ANXA6: variants seen among roughly 807,000 people sequenced by gnomAD.
ANXA6 encodes the protein 67 kDa calelectrin.
ANXA6 carries 71 observed loss-of-function variants against 95.4 expected under a neutral mutation model. The ratio of observed to expected loss-of-function variants is 0.74; its 90% confidence interval spans 0.61 to 0.91. The LOEUF (loss-of-function observed/expected upper bound fraction) is 0.91. ANXA6 is among the 40% of genes least tolerant of loss of function. ANXA6 has a pLI of 0.00. For missense variants in ANXA6, 830 were observed against 876.4 expected, an observed-to-expected ratio of 0.95 and a Z score of 0.67; for synonymous variants, 289 against 315.9, an observed-to-expected ratio of 0.91 and a Z score of 0.90.
chr5:151,157,196 C>G (rs1003865570), intron 1 of ANXA6, among the ~76,000 whole-genome samples: 3 of 152,160 alleles, frequency 2.0e-5, no homozygotes, highest in African/African-American at 7.2e-5. Context: ...CGCAGGCAGC[C>G]CTCCCCCGAC....
intron 18 of ANXA6, among the ~76,000 whole-genome samples, chr5:151,118,447 T>C (rs2113910229): frequency 6.6e-6 from 1 of 152,112 alleles, no homozygotes; most frequent in African/African-American, 2.4e-5. Flanking sequence ...TTTTTTGTTT[T>C]TTTTGAGATG....
intron 24 of ANXA6, among the ~76,000 whole-genome samples, chr5:151,104,729 C>T (rs1561563304): frequency 6.6e-6 from 1 of 152,148 alleles, no homozygotes; most frequent in African/African-American, 2.4e-5. Flanking sequence ...CTTGGGCTCT[C>T]CCAGAAGGGC....
intron 1 of ANXA6, among the ~76,000 whole-genome samples, chr5:151,149,955 G>A (rs985818471): frequency 6.6e-6 from 1 of 151,748 alleles, no homozygotes; most frequent in Non-Finnish European, 1.5e-5. Flanking sequence ...CCGTCTCTAC[G>A]AAAAAATACA....
In ANXA6 at chr5:151,146,359, C is replaced by T. The variant is rs528624354; in HGVS notation, c.18+1525G>A. On this transcript the variant is annotated intron_variant, in intron 2 of 25. Coordinates refer to ENST00000354546, the MANE Select transcript of ANXA6 (RefSeq NM_001155.5). ...TTGCCCATAATCAGTAACATTTTCT[C>T]CTCCTGGTCAGAGAGGCCACTTGTA... is the stretch of plus-strand genomic sequence containing the variant. 1.1e-4 allele frequency among the ~76,000 whole-genome samples: 17 copies of T among 152,328 alleles called. No individual in the cohort carries two copies. In the East Asian group the frequency reaches 2.5e-3, roughly 22 times the overall value.
intron 20 of ANXA6, among the ~76,000 whole-genome samples, chr5:151,113,345 T>C (rs1764903385): frequency 6.6e-6 from 1 of 152,128 alleles, no homozygotes; most frequent in South Asian, 2.1e-4. Context: ...GAGGTTGTAG[T>C]GAGCCAAATT....
At position 151,140,090 on chromosome 5, in the gene ANXA6, G is replaced by C. The variant is rs140515824; in HGVS notation, c.109+63C>G. ...CAGACCCTACCACCACCACCAGAAGGGCTCTGGGCTGTGTCTACTTTTGGG... is the reference window on the plus strand; with the variant it reads ...CAGACCCTACCACCACCACCAGAAGCGCTCTGGGCTGTGTCTACTTTTGGG... On this transcript the variant is annotated intron_variant, in intron 3 of 25. Transcript: ENST00000354546. The C allele has an allele frequency of 1.7e-3, 2,421 of 1,460,422 alleles. 32 individuals are homozygous for C. The East Asian group carries it at 0.026, about 16-fold the overall frequency. The allele number at this position is 1,460,422 out of a possible 1,614,324, so 90.5% of individuals were successfully genotyped here.
At chr5:151,108,420 T>G in intron 23 of ANXA6, 35 bp downstream of exon 23, 1 of 1,574,652 alleles carries the variant, frequency 6.4e-7, no homozygotes, top group Non-Finnish European at 8.7e-7. Context: ...AAGTTCCCAG[T>G]GCCCCCAGCC....
chr5:151,106,251 A>G (rs532719361), intron 23 of ANXA6, among the ~76,000 whole-genome samples: 3 of 152,242 alleles, frequency 2.0e-5, no homozygotes, highest in Non-Finnish European at 4.4e-5. Context: ...CTTGACTGCA[A>G]GGCTCCAGAG....
rs193159600 is a variant in ANXA6, at chr5:151,154,000, T to C, written c.-26+3680A>G. 1.9e-3 allele frequency among the ~76,000 whole-genome samples: 284 copies of C among 152,262 alleles called. 1 individual carries two copies. The highest frequency in any genetic ancestry group is 3.3e-3 in the Non-Finnish European group (224 of 68,020). ...TTGGGGGTAAAATGCACTAAGTGGCTTTCATGCTTTCTTTAGTGACCTCAG... is the reference window on the plus strand; with the variant it reads ...TTGGGGGTAAAATGCACTAAGTGGCCTTCATGCTTTCTTTAGTGACCTCAG... On this transcript the variant is annotated intron_variant, in intron 1 of 25. Coordinates refer to ENST00000354546, the MANE Select transcript of ANXA6 (RefSeq NM_001155.5).
At chr5:151,108,596 G>A in intron 22 of ANXA6, 46 bp from the exon 23 acceptor site, 1 of 1,547,670 alleles carries the variant, frequency 6.5e-7, no homozygotes, top group South Asian at 1.1e-5. Context: ...CTTCAGTGCA[G>A]GAGGCGGAGG....
intron 11 of ANXA6, among the ~76,000 whole-genome samples, chr5:151,129,902 G>C (rs1012709738): frequency 2.6e-5 from 4 of 152,094 alleles, no homozygotes; most frequent in African/African-American, 9.7e-5. Flanking sequence ...GTAGAGATGG[G>C]GTTTTGCCAT....
chr5:151,146,086 G>A (rs1175887301), intron 2 of ANXA6, among the ~76,000 whole-genome samples: 1 of 152,152 alleles, frequency 6.6e-6, no homozygotes. Context: ...CTCACTTGCA[G>A]GAGGTCTACT....
At chr5:151,139,301 T>C (rs761945042) in intron 4 of ANXA6, 52 bp downstream of exon 4, 4 of 1,322,506 alleles carry the variant, frequency 3.0e-6, no homozygotes, top group East Asian at 2.3e-5. Flanking sequence ...CACAGGTGAA[T>C]GAAATCATTC....
intron 14 of ANXA6, 84 bp downstream of exon 14, chr5:151,126,318 G>C: frequency 8.1e-6 from 10 of 1,239,532 alleles, no homozygotes; most frequent in Non-Finnish European, 1.0e-5. Flanking sequence ...CCAGGGGGCA[G>C]CTGGGTGCCA....
intron 1 of ANXA6, among the ~76,000 whole-genome samples, chr5:151,149,889 G>A (rs977847293): frequency 1.3e-5 from 2 of 152,234 alleles, no homozygotes; most frequent in African/African-American, 2.4e-5. Context: ...GAGGCCAAGC[G>A]GCAAGGACCA....
chr5:151,113,125 G>C (rs1379439099), intron 20 of ANXA6, among the ~76,000 whole-genome samples: 1 of 152,172 alleles, frequency 6.6e-6, no homozygotes, highest in African/African-American at 2.4e-5. Flanking sequence ...GATTGGCCAG[G>C]CATGATGGCT....
At chr5:151,120,509 G>A (rs1765137718) in intron 17 of ANXA6, among the ~76,000 whole-genome samples, 1 of 151,964 alleles carries the variant, frequency 6.6e-6, no homozygotes, top group Admixed American at 6.6e-5. Context: ...TTGAGGTCAG[G>A]AGTTCAAGAC....
intron 2 of ANXA6, 36 bp downstream of exon 2, chr5:151,147,848 G>C (rs774968236): frequency 1.9e-6 from 3 of 1,585,052 alleles, no homozygotes; most frequent in Admixed American, 3.6e-5. Context: ...CCCAGAGAAG[G>C]CTGAGTACCA....
chr5:151,121,393 A>G (rs1765163364), intron 17 of ANXA6, among the ~76,000 whole-genome samples: 1 of 152,224 alleles, frequency 6.6e-6, no homozygotes, highest in South Asian at 2.1e-4. Context: ...TATGCTCTTT[A>G]TAAACAGTAG....
Sources: gnomAD v4.1 joint callset for allele counts (sites outside exome capture counted in the v4.1 genomes callset) on GRCh38, gnomAD v4.1.1 for gene constraint, MANE v1.5 for transcripts, NCBI Gene and HGNC (gene_info 2026-07-23, HGNC 2026-07-21) for gene names.